The following OCM2 variants were observed in gnomAD, a reference collection of about 807,000 sequenced individuals.
OCM2 encodes oncomodulin-2.
A neutral mutation model predicts 13.6 loss-of-function variants in OCM2; 6 were observed. The observed-to-expected ratio is 0.44, with a 90% CI of 0.24 to 0.87. OCM2 has a LOEUF of 0.87. Among genes scored for constraint, OCM2 ranks in the 40% least tolerant of loss-of-function variants. The pLI is 0.22. For missense variants in OCM2, 118 were observed against 136.8 expected (o/e 0.86, Z 0.68); for synonymous variants, 40 against 50.7 (o/e 0.79, Z 0.90).
chr7:97,988,278 C>T (rs1305705705), intron 2 of OCM2, 138 bp downstream of exon 2: 1 of 1,035,350 alleles, frequency 9.7e-7, no homozygotes, highest in Non-Finnish European at 1.4e-6. Flanking sequence ...TGACTCATGT[C>T]CTTTGCTTTA....
rs549437376 is a variant in OCM2 at position 97,984,977 on chromosome 7, T to C, written c.311A>G (p.Gln104Arg). The C allele has an allele frequency of 3.2e-5, 51 of 1,614,130 alleles. No homozygotes were observed. The East Asian group carries it at 1.1e-3, about 34-fold the overall frequency. The change falls in exon 4 of 4, where the codon CAG (glutamine) becomes CGG (arginine). Residue 104 changes from glutamine (Q) to arginine (R), a missense_variant. Coordinates refer to ENST00000257627, the Ensembl canonical transcript of OCM2. Reference sequence around the variant, plus strand: ...GGGCTTTTAAGAATGCACCATTTCCTGGAATTCTAGAACAGAAGAGGTGAG... The same window carrying C: ...GGGCTTTTAAGAATGCACCATTTCCCGGAATTCTAGAACAGAAGAGGTGAG...
Position 97,988,408 on chromosome 7 carries a change from A to G in OCM2, c.194+8T>C. On this transcript the variant is annotated splice_region_variant and intron_variant, in intron 2 of 3. Transcript: ENST00000257627. ...CCAGGTACCAGACAGCCTCAGGACAAAGCTTACTTAAGCTCTTCTTCATCC... is the reference window on the plus strand; with the variant it reads ...CCAGGTACCAGACAGCCTCAGGACAGAGCTTACTTAAGCTCTTCTTCATCC... 1 of 1,614,090 alleles carries G rather than the reference A, an allele frequency of 6.2e-7. No homozygotes were observed. Among genetic ancestry groups the G allele is most frequent in the Non-Finnish European group, 8.5e-7 (1 of 1,180,016 alleles).
At chr7:97,989,862 C>G (rs920176701) in intron 1 of OCM2, among the ~76,000 whole-genome samples, 182 bp downstream of exon 1, 3 of 151,178 alleles carry the variant, frequency 2.0e-5, no homozygotes, top group Non-Finnish European at 4.4e-5. Context: ...GTTTCACCAT[C>G]TTGGCCAGGC....
chr7:97,986,205 G>A (rs759355860), intron 3 of OCM2, among the ~76,000 whole-genome samples: 2 of 152,156 alleles, frequency 1.3e-5, no homozygotes, highest in African/African-American at 2.4e-5. Context: ...GAGCCACCAC[G>A]CCCAGCCCGT....
At chr7:97,985,039 C>T (rs1794655947) in intron 3 of OCM2, 56 bp from the exon 4 acceptor site, 1 of 1,612,998 alleles carries the variant, frequency 6.2e-7, no homozygotes, top group East Asian at 2.2e-5. Flanking sequence ...TCTTTACAGA[C>T]ATGCCGTGGC....
exon 2 of OCM2, chr7:97,988,530 G>T: frequency 6.2e-7 from 1 of 1,614,110 alleles, no homozygotes; most frequent in Non-Finnish European, 8.5e-7. Context: ...GAATTTTTGG[G>T]GTTCAAAAGT....
At chr7:97,986,966 T>C (rs1192937621) in intron 3 of OCM2, 81 bp downstream of exon 3, 29 of 1,593,024 alleles carry the variant, frequency 1.8e-5, no homozygotes, top group Non-Finnish European at 2.1e-5. Context: ...TTAAGCCACA[T>C]TGGTTTGATC....
At chr7:97,987,683 T>TTATC (rs111948104) in intron 2 of OCM2, among the ~76,000 whole-genome samples, 15,631 of 151,330 alleles carry the variant, frequency 0.1, 933 homozygotes, top group African/African-American at 0.16. Flanking sequence ...GTTTTAATTT[T>TTATC]TATTTATTTA....
chr7:97,988,301 C>T lies in OCM2; in HGVS notation c.194+115G>A, dbSNP rs905465429. 1.2e-5 allele frequency: 16 copies of T among 1,329,890 alleles called. No individual in the cohort carries two copies. The East Asian group carries it at 1.9e-4, about 16-fold the overall frequency. 82.4% of individuals were successfully genotyped at this position (1,329,890 alleles called of 1,614,324 possible). A position where few individuals can be genotyped will look rare whatever the true frequency, so the allele number is the denominator to read the frequency against. ...GTCCTTTGCTTTAATGATGCTTGGC[C>T]GAATGACCAACACCAAGGCTGGCCA... On this transcript the variant is annotated intron_variant, in intron 2 of 3. Coordinates refer to ENST00000257627, the Ensembl canonical transcript of OCM2.
At chr7:97,985,418 CAA>C (rs60506626) in intron 3 of OCM2, among the ~76,000 whole-genome samples, 8 of 89,674 alleles carry the variant, frequency 8.9e-5, no homozygotes, top group Admixed American at 2.5e-4. Flanking sequence ...GACTCCATCT[CAA>C]AAAAAAAAAA....
At chr7:97,986,471 A>C (rs1429507574) in intron 3 of OCM2, among the ~76,000 whole-genome samples, 1 of 152,172 alleles carries the variant, frequency 6.6e-6, no homozygotes, top group African/African-American at 2.4e-5. Context: ...AAATAGTCCT[A>C]CAGCTATGCT....
intron 2 of OCM2, among the ~76,000 whole-genome samples, chr7:97,988,139 T>C (rs1794690438): frequency 6.6e-6 from 1 of 151,512 alleles, no homozygotes; most frequent in Admixed American, 6.6e-5. Context: ...TGCAGGGAGC[T>C]GAGATCACCC....
chr7:97,988,523 T>C, exon 2 of OCM2: 1 of 1,614,172 alleles, frequency 6.2e-7, no homozygotes, highest in Non-Finnish European at 8.5e-7. Flanking sequence ...TCTGGAAGAA[T>C]TTTTGGGGTT....
rs772068646 is a variant in OCM2 at position 97,987,203 on chromosome 7, T to A, written c.195-47A>T. Reference sequence around the variant, plus strand: ...TGGGGATTTTCAAAAAGGTCGTGCATCCCTGTGTTTAGACTTTTGTTTTTC... The same window carrying A: ...TGGGGATTTTCAAAAAGGTCGTGCAACCCTGTGTTTAGACTTTTGTTTTTC... On this transcript the variant is annotated intron_variant, in intron 2 of 3. Transcript: ENST00000257627. The A allele has an allele frequency of 5.0e-6, 8 of 1,609,626 alleles. No individual in the cohort carries two copies. The South Asian group carries it at 8.8e-5, about 18-fold the overall frequency.
rs368777021 is a variant in OCM2 at position 97,987,091 on chromosome 7, A to T, written c.260T>A (p.Met87Lys). 8 of 1,613,902 alleles carry T rather than the reference A, an allele frequency of 5.0e-6. No homozygotes were observed. The highest frequency in any genetic ancestry group is 6.8e-6 in the Non-Finnish European group (8 of 1,179,840). The change falls in exon 3 of 4, where the codon ATG (methionine) becomes AAG (lysine). Residue 87 changes from methionine (M) to lysine (K), a missense_variant. Coordinates refer to ENST00000257627, the Ensembl canonical transcript of OCM2. ...ATCTCCATCATTATCCGCCGCAGCC[A>T]TCAAGGACTTGGTTTCTGACTCGGT...
intron 3 of OCM2, 93 bp from the exon 4 acceptor site, chr7:97,985,076 A>G: frequency 1.3e-6 from 2 of 1,553,414 alleles, no homozygotes; most frequent in Non-Finnish European, 1.8e-6. Flanking sequence ...GAGGGAAGGA[A>G]GCAAAGAAAA....
At chr7:97,989,386 CTTATTTATTTAT>C (rs55906293) in intron 1 of OCM2, among the ~76,000 whole-genome samples, 3 of 145,182 alleles carry the variant, frequency 2.1e-5, no homozygotes, top group Non-Finnish European at 3.0e-5. Flanking sequence ...CTCTTATTTA[CTTATTTATTTAT>C]TTATTTATTT....
chr7:97,984,776 C>G, exon 4 of OCM2: 1 of 792,016 alleles, frequency 1.3e-6, no homozygotes, highest in South Asian at 1.8e-5. Context: ...ATATACCCAC[C>G]ACCAAGAAAG....
intron 2 of OCM2, 50 bp from the exon 3 acceptor site, chr7:97,987,206 CTG>C: frequency 5.6e-6 from 9 of 1,608,162 alleles, no homozygotes; most frequent in Non-Finnish European, 6.8e-6. Flanking sequence ...TCGTGCATCC[CTG>C]TGTTTAGACT....
Sources: allele counts gnomAD v4.1 joint callset (sites outside exome capture counted in the v4.1 genomes callset), GRCh38; gene constraint gnomAD v4.1.1; transcripts MANE v1.5; gene names NCBI Gene and HGNC (gene_info 2026-07-23, HGNC 2026-07-21).